DNAH11: variants seen among roughly 807,000 people sequenced by gnomAD.
The protein encoded by DNAH11 is axonemal beta dynein heavy chain 11.
A neutral mutation model predicts 526.0 loss-of-function variants in DNAH11; 442 were observed. The observed-to-expected ratio is 0.84, with a 90% CI of 0.78 to 0.91. The LOEUF (loss-of-function observed/expected upper bound fraction) is 0.91. Among genes scored for constraint, DNAH11 ranks in the 40% least tolerant of loss-of-function variants. The pLI is 0.00. For synonymous variants in DNAH11, 2,461 were observed against 1,935.9 expected, an observed-to-expected ratio of 1.27 and a Z score of -7.12; for missense variants, 6,989 against 5,448.7, an observed-to-expected ratio of 1.28 and a Z score of -8.90.
chr7:21,705,286 A>G (rs929290276), intron 38 of DNAH11, among the ~76,000 whole-genome samples, 174 bp from the exon 39 acceptor site: 1 of 152,188 alleles, frequency 6.6e-6, no homozygotes, highest in African/African-American at 2.4e-5. Flanking sequence ...TACATGGGAG[A>G]TCCAGGAAAA....
chr7:21,589,352 G>C lies in DNAH11; in HGVS notation c.2118G>C (p.Leu706Phe), dbSNP rs1784594733. 3.7e-6 allele frequency: 6 copies of C among 1,608,818 alleles called. No homozygotes were observed. The highest frequency in any genetic ancestry group is 8.5e-7 in the Non-Finnish European group (1 of 1,177,942). Reference protein sequence around the residue: ...EICEFNLNQPLVKFSAINGLL... With the variant: ...EICEFNLNQPFVKFSAINGLL... ...GTGAATTCAATTTGAATCAACCCTT[G>C]GTTAAATTCAGTGCCATAAATGGTC... The change falls in exon 12 of 82, where the codon TTG becomes TTC. Residue 706 changes from leucine (L) to phenylalanine (F), a missense_variant. Physicochemically the swap from Leu to Phe is conservative, Grantham distance 22. Transcript: ENST00000409508.
At chr7:21,672,048 CTT>C (rs1256834374) in intron 30 of DNAH11, among the ~76,000 whole-genome samples, 8 of 152,184 alleles carry the variant, frequency 5.3e-5, no homozygotes, top group African/African-American at 1.9e-4. Context: ...GACTTGGTCT[CTT>C]TGTCATTTCC....
At chr7:21,572,077 T>A in intron 8 of DNAH11, 104 bp downstream of exon 8, 2 of 1,014,998 alleles carry the variant, frequency 2.0e-6, no homozygotes, top group Non-Finnish European at 2.6e-6. Context: ...TTCCAATATC[T>A]CTAGGACCAA....
chr7:21,619,529 TA>T (rs1179872063), intron 24 of DNAH11, among the ~76,000 whole-genome samples: 5 of 152,202 alleles, frequency 3.3e-5, no homozygotes, highest in African/African-American at 1.2e-4. Flanking sequence ...CTGAGGTAAG[TA>T]ATAGTATCTC....
At chr7:21,638,555 C>G (rs1282987338) in intron 27 of DNAH11, among the ~76,000 whole-genome samples, 1 of 152,156 alleles carries the variant, frequency 6.6e-6, no homozygotes, top group Non-Finnish European at 1.5e-5. Context: ...AAACGAATTA[C>G]ATCTTACCAG....
At chr7:21,712,234 A>G (rs369911078) in intron 42 of DNAH11, among the ~76,000 whole-genome samples, 32 of 152,332 alleles carry the variant, frequency 2.1e-4, no homozygotes, top group African/African-American at 7.7e-4. Context: ...AGGCTGAATA[A>G]TACTCCATTA....
At chr7:21,879,931 A>G (rs964228033) in intron 74 of DNAH11, among the ~76,000 whole-genome samples, 6 of 152,056 alleles carry the variant, frequency 3.9e-5, no homozygotes, top group African/African-American at 1.4e-4. Context: ...TTAAAAATAC[A>G]AAAATTAGCT....
At chr7:21,859,705 G>A (rs995519783) in intron 68 of DNAH11, among the ~76,000 whole-genome samples, 1 of 151,862 alleles carries the variant, frequency 6.6e-6, no homozygotes, top group African/African-American at 2.4e-5. Context: ...TATATTGATG[G>A]CTATTTATAT....
chr7:21,843,328 C>T (rs966470830), intron 66 of DNAH11, among the ~76,000 whole-genome samples: 1 of 151,954 alleles, frequency 6.6e-6, no homozygotes, highest in African/African-American at 2.4e-5. Context: ...AAAGCTAGTT[C>T]TTTGGCAAGA....
At chr7:21,608,053 T>C (rs1446737775) in intron 20 of DNAH11, among the ~76,000 whole-genome samples, 4 of 151,918 alleles carry the variant, frequency 2.6e-5, no homozygotes, top group African/African-American at 9.7e-5. Flanking sequence ...TTTTTTTTTT[T>C]TTAATCAGAA....
At chr7:21,836,576 A>G (rs900202018) in intron 65 of DNAH11, among the ~76,000 whole-genome samples, 4 of 152,148 alleles carry the variant, frequency 2.6e-5, no homozygotes, top group African/African-American at 9.6e-5. Context: ...GTTTATCATC[A>G]ATGACAAAAA....
At chr7:21,649,968 A>G (rs1214088285) in intron 28 of DNAH11, among the ~76,000 whole-genome samples, 2 of 152,210 alleles carry the variant, frequency 1.3e-5, no homozygotes, top group East Asian at 1.9e-4. Flanking sequence ...CCCAGCGACT[A>G]TTCTATTCCT....
At position 21,591,289 on chromosome 7, in the gene DNAH11, C is replaced by T. The variant is rs375262840; in HGVS notation, c.2379C>T (p.Asp793=). 29 of 1,613,108 alleles carry T rather than the reference C, an allele frequency of 1.8e-5. No individual in the cohort carries two copies. The highest frequency in any genetic ancestry group is 1.3e-4 in the South Asian group (12 of 90,972). The change falls in exon 14 of 82, where the codon GAC becomes GAT. Residue 793 remains aspartate (D), a synonymous_variant. Coordinates refer to ENST00000409508, the MANE Select transcript of DNAH11 (RefSeq NM_001277115.2). The part of the protein sequence containing the change: ...PLIEDELRAI[D]EQLTAATTWL... ...TTGAAGATGAGCTGAGGGCTATTGA[C>T]GAGCAGCTGACAGCAGCCACAACGT...
chr7:21,726,709 A>G (rs934846392), intron 45 of DNAH11, among the ~76,000 whole-genome samples: 1 of 149,790 alleles, frequency 6.7e-6, no homozygotes, highest in Admixed American at 6.6e-5. Flanking sequence ...AAAATACAAA[A>G]AATTAGCCGG....
chr7:21,613,385 AATT>A (rs1785618161), intron 20 of DNAH11, among the ~76,000 whole-genome samples: 2 of 152,358 alleles, frequency 1.3e-5, no homozygotes, highest in East Asian at 1.9e-4. Context: ...AGGCATTAAA[AATT>A]ATTAGTCATA....
chr7:21,850,538 TC>T (rs1397898553), intron 66 of DNAH11, among the ~76,000 whole-genome samples: 1 of 150,380 alleles, frequency 6.6e-6, no homozygotes. Flanking sequence ...TATTTTTAAC[TC>T]CCAGTTTGAT....
chr7:21,899,483 CA>C, intron 80 of DNAH11, 35 bp downstream of exon 80: 1 of 1,496,874 alleles, frequency 6.7e-7, no homozygotes, highest in South Asian at 1.2e-5. Flanking sequence ...CTGATGCACA[CA>C]GGACCACAGC....
chr7:21,680,233 G>T (rs375586539), intron 30 of DNAH11, among the ~76,000 whole-genome samples: 40 of 152,284 alleles, frequency 2.6e-4, no homozygotes, highest in East Asian at 1.5e-3. Flanking sequence ...TTGACAGTAG[G>T]CTACAAAGGT....
intron 26 of DNAH11, among the ~76,000 whole-genome samples, chr7:21,637,253 C>T (rs1417851206): frequency 1.3e-5 from 2 of 151,950 alleles, no homozygotes; most frequent in Non-Finnish European, 2.9e-5. Context: ...CTGCCCCCAC[C>T]TCCTCCTACT....
Sources: allele counts gnomAD v4.1 joint callset (sites outside exome capture counted in the v4.1 genomes callset), GRCh38; gene constraint gnomAD v4.1.1; transcripts MANE v1.5; gene names NCBI Gene and HGNC (gene_info 2026-07-23, HGNC 2026-07-21).